Variants in FOXN3 observed in about 807,000 individuals in gnomAD.
The protein encoded by FOXN3 is forkhead box N3.
FOXN3 carries 7 observed loss-of-function variants against 38.4 expected under a neutral mutation model. The ratio of observed to expected loss-of-function variants is 0.18; its 90% CI spans 0.10 to 0.34. The LOEUF is 0.34. FOXN3 is among the 10% of genes least tolerant of loss of function. The pLI is 1.00. For synonymous variants in FOXN3, 230 were observed against 242.2 expected (o/e 0.95, Z 0.47); for missense variants, 456 against 613.4 (o/e 0.74, Z 2.71).
chr14:89,309,176 A>G (rs1887460945), intron 3 of FOXN3, among the ~76,000 whole-genome samples: 1 of 152,154 alleles, frequency 6.6e-6, no homozygotes, highest in Admixed American at 6.5e-5. Flanking sequence ...CAGGCCATTC[A>G]ATCTCTCCAG....
intron 2 of FOXN3, among the ~76,000 whole-genome samples, chr14:89,381,726 G>T (rs1890654315): frequency 3.3e-5 from 5 of 151,850 alleles, no homozygotes. Flanking sequence ...CAGGTGTGAT[G>T]GTGCGCACCT....
intron 4 of FOXN3, among the ~76,000 whole-genome samples, chr14:89,193,538 C>G (rs924705158): frequency 1.3e-5 from 2 of 152,138 alleles, no homozygotes; most frequent in Non-Finnish European, 2.9e-5. Flanking sequence ...CCCACCCCCC[C>G]ACCTTCTGTT....
chr14:89,402,481 G>A (rs755911550), intron 2 of FOXN3, among the ~76,000 whole-genome samples: 5 of 152,176 alleles, frequency 3.3e-5, no homozygotes, highest in Non-Finnish European at 7.3e-5. Context: ...AAGTTTGCTT[G>A]GCAACAGAAT....
intron 5 of FOXN3, among the ~76,000 whole-genome samples, chr14:89,177,649 A>C (rs983739041): frequency 2.0e-5 from 3 of 151,976 alleles, no homozygotes; most frequent in African/African-American, 7.3e-5. Flanking sequence ...GTGGAGAAAG[A>C]TAGAACTGGC....
At chr14:89,605,388 A>C (rs1203832459) in intron 1 of FOXN3, among the ~76,000 whole-genome samples, 1 of 152,176 alleles carries the variant, frequency 6.6e-6, no homozygotes, top group Non-Finnish European at 1.5e-5. Context: ...AGGACCACTA[A>C]ATGAATCATA....
At position 89,360,380 on chromosome 14, in the gene FOXN3, A is replaced by AAGGG. The variant is rs1162912560; in HGVS notation, c.544-9576_544-9573dup. Among the ~76,000 whole-genome samples the AAGGG allele has an allele frequency of 2.2e-3, 319 of 142,752 alleles. 1 individual carries two copies. The highest frequency in any genetic ancestry group is 7.9e-3 in the African/African-American group (304 of 38,346). The allele number at this position is 142,752 out of a possible 152,430, so 93.7% of individuals were successfully genotyped here. ...AGGGAGGGAGGGAGGGAGAAAGGGA[A>AAGGG]AGGGAGGGAGGGAGGCAGGAAGACA... On this transcript the variant is annotated intron_variant, in intron 2 of 5. Coordinates refer to ENST00000557258, the MANE Select transcript of FOXN3 (RefSeq NM_005197.4).
In FOXN3 at chr14:89,343,832, G is replaced by A. The variant is rs899737956; in HGVS notation, c.680+6840C>T. On this transcript the variant is annotated intron_variant, in intron 3 of 5. Coordinates refer to ENST00000557258, the MANE Select transcript of FOXN3 (RefSeq NM_005197.4). ...GGGTGGAGTGCAATGGTGCAATCTC[G>A]GCTCACTGCAACCTCCACCTCCCAG... Among the ~76,000 whole-genome samples the A allele has an allele frequency of 5.9e-5, 9 of 151,930 alleles. No homozygotes were observed. In the South Asian group the frequency reaches 1.0e-3, roughly 18 times the overall value.
At chr14:89,502,955 C>T (rs1364370659) in intron 1 of FOXN3, among the ~76,000 whole-genome samples, 1 of 152,148 alleles carries the variant, frequency 6.6e-6, no homozygotes, top group Non-Finnish European at 1.5e-5. Context: ...CAGATAAAAG[C>T]CCTCTTTTAT....
intron 1 of FOXN3, among the ~76,000 whole-genome samples, chr14:89,513,788 G>T (rs1209423230): frequency 6.6e-6 from 1 of 151,480 alleles, no homozygotes; most frequent in East Asian, 1.9e-4. Context: ...ATAGAGATGG[G>T]GTTTCTCCAT....
At chr14:89,510,605 T>G (rs1894037547) in intron 1 of FOXN3, among the ~76,000 whole-genome samples, 2 of 151,944 alleles carry the variant, frequency 1.3e-5, no homozygotes, top group African/African-American at 4.8e-5. Context: ...ACAGTCACAC[T>G]CAGAGCGACA....
At chr14:89,501,478 T>C (rs1893798751) in intron 1 of FOXN3, among the ~76,000 whole-genome samples, 1 of 152,112 alleles carries the variant, frequency 6.6e-6, no homozygotes, top group African/African-American at 2.4e-5. Flanking sequence ...TGCATAGTCA[T>C]AAGTAGCTCA....
chr14:89,594,871 C>CA (rs1333569639), intron 1 of FOXN3, among the ~76,000 whole-genome samples: 195 of 146,256 alleles, frequency 1.3e-3, no homozygotes, highest in Non-Finnish European at 1.6e-3. Context: ...GACTCTGTGT[C>CA]AAAAAAAAAA....
At chr14:89,592,830 A>G (rs1895986163) in intron 1 of FOXN3, among the ~76,000 whole-genome samples, 1 of 152,190 alleles carries the variant, frequency 6.6e-6, no homozygotes, top group Non-Finnish European at 1.5e-5. Context: ...GGTGAAAAAT[A>G]AGTCCCTGCA....
At chr14:89,532,902 A>G (rs539688668) in intron 1 of FOXN3, among the ~76,000 whole-genome samples, 6 of 152,264 alleles carry the variant, frequency 3.9e-5, no homozygotes, top group Non-Finnish European at 8.8e-5. Flanking sequence ...GTATACCTAT[A>G]CATATAGATA....
chr14:89,428,711 T>C (rs1300296854), intron 1 of FOXN3, among the ~76,000 whole-genome samples: 2 of 152,180 alleles, frequency 1.3e-5, no homozygotes, highest in Non-Finnish European at 2.9e-5. Flanking sequence ...ACGGCAGCCA[T>C]GAGTGCCTGT....
At chr14:89,186,647 T>C (rs889675266) in intron 4 of FOXN3, among the ~76,000 whole-genome samples, 1 of 152,192 alleles carries the variant, frequency 6.6e-6, no homozygotes. Context: ...GGCAGCATCC[T>C]ATAGAGCGCG....
At chr14:89,619,150 G>C (rs1051353083), upstream of FOXN3, 3 of 150,778 alleles carry the variant, frequency 2.0e-5, no homozygotes, top group South Asian at 4.1e-4. Context: ...AGCAGATCGC[G>C]GCCGGAACCC....
intron 2 of FOXN3, among the ~76,000 whole-genome samples, chr14:89,391,824 G>A (rs1890955998): frequency 2.0e-5 from 3 of 152,236 alleles, no homozygotes; most frequent in African/African-American, 7.2e-5. Context: ...GGGCAACATG[G>A]CCAAACCCCA....
intron 1 of FOXN3, among the ~76,000 whole-genome samples, chr14:89,506,314 G>T (rs557322805): frequency 0.019 from 1,380 of 74,368 alleles, 41 homozygotes; most frequent in African/African-American, 0.053. Context: ...CGCCCCGTCC[G>T]GGAGGGAGGT....
Sources: gnomAD v4.1 joint callset for allele counts (sites outside exome capture counted in the v4.1 genomes callset) on GRCh38, gnomAD v4.1.1 for gene constraint, MANE v1.5 for transcripts, NCBI Gene and HGNC (gene_info 2026-07-23, HGNC 2026-07-21) for gene names.